The following MBIP variants were observed in gnomAD, a reference collection of about 807,000 sequenced individuals.
MBIP encodes the protein MAP3K12 binding inhibitory protein 1.
A neutral mutation model predicts 45.7 loss-of-function variants in MBIP; 32 were observed. The observed-to-expected ratio is 0.70, with a 90% CI of 0.53 to 0.94. MBIP has a LOEUF of 0.94. MBIP is among the 40% of genes least tolerant of loss of function. MBIP has a pLI of 0.00. For synonymous variants in MBIP, 145 were observed against 141.0 expected, an observed-to-expected ratio of 1.03 and a Z score of -0.20; for missense variants, 381 against 405.5, an observed-to-expected ratio of 0.94 and a Z score of 0.52.
chr14:36,312,817 T>G (rs571937395), intron 4 of MBIP, among the ~76,000 whole-genome samples: 1 of 152,248 alleles, frequency 6.6e-6, no homozygotes, highest in African/African-American at 2.4e-5. Context: ...ATACTTATGT[T>G]TGAAATAATG....
chr14:36,309,394 G>A (rs1880070765), intron 6 of MBIP, among the ~76,000 whole-genome samples: 1 of 152,076 alleles, frequency 6.6e-6, no homozygotes. Flanking sequence ...CATTAGGTAG[G>A]GCTGTGCAGC....
Position 36,306,340 on chromosome 14 carries a change from A to C in MBIP, c.888+1752T>G, listed in dbSNP as rs185921604. 1.7e-3 allele frequency among the ~76,000 whole-genome samples: 261 copies of C among 152,164 alleles called. 9 individuals carry two copies. The East Asian group carries it at 0.044, about 26-fold the overall frequency. On this transcript the variant is annotated intron_variant, in intron 7 of 8. Coordinates refer to ENST00000416007, the MANE Select transcript of MBIP (RefSeq NM_016586.3). The stretch of plus-strand genomic sequence containing the variant: ...CGTGATCTTGGCTCATCGCAACCTA[A>C]GCCTCCTGGGTTCAAGCGATCCTCC...
At chr14:36,308,900 A>G (rs973621398) in intron 6 of MBIP, among the ~76,000 whole-genome samples, 13 of 152,278 alleles carry the variant, frequency 8.5e-5, no homozygotes, top group Middle Eastern at 6.8e-3. Context: ...CTCTAAAAAT[A>G]TAAGTTAGAT....
At chr14:36,308,888 T>G (rs1880040688) in intron 6 of MBIP, among the ~76,000 whole-genome samples, 1 of 152,162 alleles carries the variant, frequency 6.6e-6, no homozygotes. Context: ...GAGCCAGTGA[T>G]CCTCTAAAAA....
At chr14:36,307,817 C>G (rs1444311945) in intron 7 of MBIP, among the ~76,000 whole-genome samples, 1 of 152,050 alleles carries the variant, frequency 6.6e-6, no homozygotes, top group Non-Finnish European at 1.5e-5. Context: ...CAACCACCAC[C>G]CAGGCTGACT....
At chr14:36,317,338 G>A (rs779895036) in intron 1 of MBIP, among the ~76,000 whole-genome samples, 1 of 152,016 alleles carries the variant, frequency 6.6e-6, no homozygotes, top group Non-Finnish European at 1.5e-5. Context: ...ACTTTTAACC[G>A]ATTTTTAAAC....
chr14:36,319,122 A>C (rs2139241771), intron 1 of MBIP, among the ~76,000 whole-genome samples: 1 of 152,296 alleles, frequency 6.6e-6, no homozygotes, highest in East Asian at 1.9e-4. Flanking sequence ...TTCAGTATGC[A>C]AAATATTTCA....
rs559290302 is a variant in MBIP at position 36,320,393 on chromosome 14, G to C, written c.129+67C>G. 46 of 1,608,916 alleles carry C rather than the reference G, an allele frequency of 2.9e-5. No individual in the cohort carries two copies. The African/African-American group carries it at 4.7e-4, about 16-fold the overall frequency. ...GCCTAGCTGCCCCCGGCCTCTGCTA[G>C]AGAAAAAGAATGGCGAGGAGGGACC... On this transcript the variant is annotated intron_variant, in intron 1 of 8. Coordinates refer to ENST00000416007, the MANE Select transcript of MBIP (RefSeq NM_016586.3).
At chr14:36,318,827 G>A (rs549033393) in intron 1 of MBIP, among the ~76,000 whole-genome samples, 30 of 152,058 alleles carry the variant, frequency 2.0e-4, no homozygotes, top group East Asian at 7.7e-4. Context: ...TAAAGTGGTT[G>A]CAAAAGAAAA....
In MBIP at chr14:36,299,022, AAC is replaced by A; in HGVS notation, c.*59_*60del. 1 of 1,155,332 alleles carries A rather than the reference AAC, an allele frequency of 8.7e-7. No homozygotes were observed. The highest frequency in any genetic ancestry group is 1.3e-6 in the Non-Finnish European group (1 of 768,724). The allele number at this position is 1,155,332 out of a possible 1,614,324, so 71.6% of individuals were successfully genotyped here. A position where few individuals can be genotyped will look rare whatever the true frequency, so the allele number is the denominator to read the frequency against. ...ATAAATATATATCCGTTGAATTAAT[AAC>A]AGTGTAAGTTACACATATGTATACA... On this transcript the variant is annotated 3_prime_UTR_variant, in exon 9 of 9. Transcript: ENST00000416007.
At chr14:36,319,882 T>TA (rs1470692628) in intron 1 of MBIP, 1 of 171,450 alleles carries the variant, frequency 5.8e-6, no homozygotes, top group African/African-American at 2.4e-5. Context: ...ACGACAGTTC[T>TA]AACGCCAACA....
At chr14:36,300,657 T>C in intron 8 of MBIP, 128 bp downstream of exon 8, 2 of 616,518 alleles carry the variant, frequency 3.2e-6, no homozygotes, top group South Asian at 2.6e-5. Context: ...TATACTGCCC[T>C]TTTCTTCAGT....
At chr14:36,308,369 C>A (rs746051113) in intron 6 of MBIP, among the ~76,000 whole-genome samples, 180 bp from the exon 7 acceptor site, 1 of 152,162 alleles carries the variant, frequency 6.6e-6, no homozygotes, top group Non-Finnish European at 1.5e-5. Context: ...TATACACTAT[C>A]GGACATATTG....
At chr14:36,313,853 T>C (rs563745864) in intron 4 of MBIP, 6 of 152,274 alleles carry the variant, frequency 3.9e-5, no homozygotes, top group Non-Finnish European at 4.4e-5. Flanking sequence ...GTTCTGATTA[T>C]TACTATGGTG....
At chr14:36,307,298 A>G (rs1316144374) in intron 7 of MBIP, among the ~76,000 whole-genome samples, 1 of 152,104 alleles carries the variant, frequency 6.6e-6, no homozygotes, top group Non-Finnish European at 1.5e-5. Flanking sequence ...TTCACCACTA[A>G]CTTATATGAT....
At chr14:36,305,809 T>C (rs1386054727) in intron 7 of MBIP, among the ~76,000 whole-genome samples, 2 of 152,220 alleles carry the variant, frequency 1.3e-5, no homozygotes, top group East Asian at 1.9e-4. Context: ...TGGTATCATT[T>C]TTCCAACCAG....
chr14:36,315,441 T>C (rs1307276317), intron 2 of MBIP, among the ~76,000 whole-genome samples: 2 of 152,012 alleles, frequency 1.3e-5, no homozygotes, highest in Admixed American at 6.6e-5. Context: ...TGAGGAAGCA[T>C]AGACATGAAA....
At chr14:36,300,082 C>T (rs575594133) in intron 8 of MBIP, among the ~76,000 whole-genome samples, 95 of 152,104 alleles carry the variant, frequency 6.2e-4, no homozygotes, top group Non-Finnish European at 1.2e-3. Context: ...AAAGCAGCAA[C>T]GAAGTGTTAC....
At chr14:36,303,746 G>T (rs1879711538) in intron 7 of MBIP, among the ~76,000 whole-genome samples, 1 of 152,092 alleles carries the variant, frequency 6.6e-6, no homozygotes. Flanking sequence ...AAACTCAAGG[G>T]TAAGGAGGCC....
Sources: allele counts gnomAD v4.1 joint callset (sites outside exome capture counted in the v4.1 genomes callset), GRCh38; gene constraint gnomAD v4.1.1; transcripts MANE v1.5; gene names NCBI Gene and HGNC (gene_info 2026-07-23, HGNC 2026-07-21).